Variants in LHFPL6 observed in about 807,000 individuals in gnomAD.
The protein encoded by LHFPL6 is LHFPL tetraspan subfamily member 6.
LHFPL6 carries 9 observed loss-of-function variants against 20.6 expected under a neutral mutation model. The ratio of observed to expected loss-of-function variants is 0.44; its 90% CI spans 0.26 to 0.76. The LOEUF is 0.76. LHFPL6 is among the 30% of genes least tolerant of loss of function. LHFPL6 has a pLI of 0.20. For synonymous variants in LHFPL6, 105 were observed against 98.7 expected, an observed-to-expected ratio of 1.06 and a Z score of -0.38; for missense variants, 218 against 253.5, an observed-to-expected ratio of 0.86 and a Z score of 0.95.
intron 2 of LHFPL6, among the ~76,000 whole-genome samples, chr13:39,381,266 G>T (rs1433784109): frequency 6.6e-6 from 1 of 152,116 alleles, no homozygotes; most frequent in Non-Finnish European, 1.5e-5. Context: ...CACCTAGTCT[G>T]GCCCAGTCTT....
chr13:39,381,497 A>G (rs1870435274), intron 2 of LHFPL6, among the ~76,000 whole-genome samples: 1 of 151,062 alleles, frequency 6.6e-6, no homozygotes, highest in Non-Finnish European at 1.5e-5. Context: ...CTCTCTAGAT[A>G]CTCCCCTCCA....
At chr13:39,429,211 A>C (rs1237134939) in intron 2 of LHFPL6, among the ~76,000 whole-genome samples, 1 of 152,006 alleles carries the variant, frequency 6.6e-6, no homozygotes, top group Non-Finnish European at 1.5e-5. Flanking sequence ...TGTTCTATCA[A>C]TTCTCAAGAG....
intron 2 of LHFPL6, among the ~76,000 whole-genome samples, chr13:39,398,087 G>C (rs1390293389): frequency 1.3e-5 from 2 of 152,122 alleles, no homozygotes; most frequent in Non-Finnish European, 2.9e-5. Context: ...TGTGTTCCGT[G>C]GGCCCTCCTC....
chr13:39,355,741 T>A (rs1462004999), intron 3 of LHFPL6, among the ~76,000 whole-genome samples: 2 of 152,194 alleles, frequency 1.3e-5, no homozygotes, highest in African/African-American at 4.8e-5. Context: ...GCTATTCTTA[T>A]GTCCAATAAA....
At chr13:39,350,715 T>G (rs1869543292) in intron 3 of LHFPL6, among the ~76,000 whole-genome samples, 2 of 152,230 alleles carry the variant, frequency 1.3e-5, no homozygotes, top group Non-Finnish European at 2.9e-5. Flanking sequence ...GTTGGCAAAT[T>G]ACTGCTTTCA....
At chr13:39,567,430 A>T (rs958812890) in intron 2 of LHFPL6, among the ~76,000 whole-genome samples, 2 of 152,214 alleles carry the variant, frequency 1.3e-5, no homozygotes, top group South Asian at 4.1e-4. Flanking sequence ...ACAAAATCAA[A>T]TCCGTAAGTT....
chr13:39,580,723 T>A (rs1056552169), intron 2 of LHFPL6, among the ~76,000 whole-genome samples: 1 of 152,220 alleles, frequency 6.6e-6, no homozygotes, highest in Non-Finnish European at 1.5e-5. Context: ...ACTTACATGT[T>A]TTTAAACTTC....
intron 2 of LHFPL6, among the ~76,000 whole-genome samples, chr13:39,412,262 C>A (rs1336238763): frequency 6.6e-6 from 1 of 152,158 alleles, no homozygotes; most frequent in East Asian, 1.9e-4. Flanking sequence ...AAATATTCAA[C>A]TATAAATGAT....
In LHFPL6 at chr13:39,440,504, A is replaced by G. The variant is rs534720865; in HGVS notation, c.386-61978T>C. ...AAAATGCAACTCAAACAAACAGAAA[A>G]CAGAGAGCAAATACATAGGCACTTT... On this transcript the variant is annotated intron_variant, in intron 2 of 3. Transcript: ENST00000379589. Among the ~76,000 whole-genome samples, 3 of 152,316 alleles carry G rather than the reference A, an allele frequency of 2.0e-5. No individual in the cohort carries two copies. The South Asian group carries it at 6.2e-4, about 32-fold the overall frequency.
chr13:39,508,303 G>C (rs1323885661), intron 2 of LHFPL6, among the ~76,000 whole-genome samples: 1 of 152,086 alleles, frequency 6.6e-6, no homozygotes, highest in Non-Finnish European at 1.5e-5. Flanking sequence ...GGGATTATAG[G>C]CATGAGCCAC....
chr13:39,442,881 C>A (rs968155583), intron 2 of LHFPL6, among the ~76,000 whole-genome samples: 1 of 152,082 alleles, frequency 6.6e-6, no homozygotes, highest in African/African-American at 2.4e-5. Flanking sequence ...TCAGAGCTGA[C>A]CCTCATGGCT....
intron 2 of LHFPL6, among the ~76,000 whole-genome samples, chr13:39,453,286 T>A (rs1872495589): frequency 6.6e-6 from 1 of 152,132 alleles, no homozygotes; most frequent in African/African-American, 2.4e-5. Flanking sequence ...TTTCATTGAA[T>A]TTACATTAGA....
intron 2 of LHFPL6, among the ~76,000 whole-genome samples, chr13:39,526,022 T>C: frequency 6.6e-6 from 1 of 152,182 alleles, no homozygotes; most frequent in East Asian, 1.9e-4. Flanking sequence ...CCAGTTAAAA[T>C]GAAGGCTCTC....
rs953039291 is a variant in LHFPL6, at chr13:39,423,360, A to G, written c.386-44834T>C. Among the ~76,000 whole-genome samples, 58 of 152,290 alleles carry G rather than the reference A, an allele frequency of 3.8e-4. 1 individual carries two copies. The highest frequency in any genetic ancestry group is 1.4e-3 in the African/African-American group (58 of 41,560). ...ATCTAAAGGATCTGACAGGAGGAAT[A>G]CAGGATGTTTCGCAATGCACAAAGG... On this transcript the variant is annotated intron_variant, in intron 2 of 3. Transcript: ENST00000379589.
intron 2 of LHFPL6, among the ~76,000 whole-genome samples, chr13:39,473,801 A>C (rs1162894413): frequency 6.6e-6 from 1 of 152,226 alleles, no homozygotes; most frequent in Non-Finnish European, 1.5e-5. Flanking sequence ...AGCAACTTTA[A>C]GACTGAATAA....
chr13:39,405,998 G>A (rs879070999), intron 2 of LHFPL6, among the ~76,000 whole-genome samples: 20 of 152,186 alleles, frequency 1.3e-4, no homozygotes, highest in Admixed American at 1.3e-3. Context: ...CCTCATGGGT[G>A]TGACTGACAT....
At chr13:39,577,197 G>A (rs1310266537) in intron 2 of LHFPL6, among the ~76,000 whole-genome samples, 1 of 152,170 alleles carries the variant, frequency 6.6e-6, no homozygotes, top group Non-Finnish European at 1.5e-5. Context: ...GGGCAGTTAA[G>A]AAGGTTACAG....
At chr13:39,596,535 A>G (rs753037447) in intron 2 of LHFPL6, among the ~76,000 whole-genome samples, 6 of 152,178 alleles carry the variant, frequency 3.9e-5, no homozygotes, top group Admixed American at 1.3e-4. Flanking sequence ...TCTGATGCAT[A>G]CTAGAGTTTA....
intron 2 of LHFPL6, among the ~76,000 whole-genome samples, chr13:39,475,660 T>G (rs1305130475): frequency 1.3e-5 from 2 of 152,004 alleles, no homozygotes; most frequent in East Asian, 3.9e-4. Flanking sequence ...ACCCACATTC[T>G]CATTAGCACC....
Sources: gnomAD v4.1 joint callset for allele counts (sites outside exome capture counted in the v4.1 genomes callset) on GRCh38, gnomAD v4.1.1 for gene constraint, MANE v1.5 for transcripts, NCBI Gene and HGNC (gene_info 2026-07-23, HGNC 2026-07-21) for gene names.